The following WDR43 variants were observed in gnomAD, a reference collection of about 807,000 sequenced individuals.
WDR43 encodes WD repeat-containing protein 43.
A neutral mutation model predicts 91.4 loss-of-function variants in WDR43; 13 were observed. That is an observed-to-expected ratio of 0.14 (90% CI 0.09 to 0.23). The LOEUF is 0.23. Among genes scored for constraint, WDR43 ranks in the 10% least tolerant of loss-of-function variants. The probability of loss-of-function intolerance (pLI) is 1.00; values close to 1 mark genes in which losing one functional copy is unlikely to be tolerated. For missense variants in WDR43, 780 were observed against 809.4 expected (o/e 0.96, Z 0.44); for synonymous variants, 331 against 287.9 (o/e 1.15, Z -1.51).
In WDR43 at chr2:28,894,860, T is replaced by A. The variant is rs780324735; in HGVS notation, c.162T>A (p.Pro54=). The A allele has an allele frequency of 1.3e-5, 21 of 1,610,404 alleles. No homozygotes were observed. The East Asian group carries it at 4.5e-4, about 34-fold the overall frequency. Residue 54 remains proline, a synonymous_variant, in exon 1 of 18, where the codon CCT becomes CCA. Transcript: ENST00000407426. ...ANNRLHQEYV[P]SAHLSGTCTC... is the part of the protein sequence containing the mutation. ...ACCGGCTGCACCAGGAGTACGTGCC[T>A]TCCGCGCACCTCAGTGGTACCTGCA...
At chr2:28,901,166 CAT>C (rs547637939) in intron 1 of WDR43, among the ~76,000 whole-genome samples, 2 of 152,146 alleles carry the variant, frequency 1.3e-5, no homozygotes, top group Non-Finnish European at 2.9e-5. Flanking sequence ...ATGCTAAAAA[CAT>C]ATAGGCTGGT....
At position 28,918,008 on chromosome 2, in the gene WDR43, A is replaced by G. The variant is rs547038900; in HGVS notation, c.849+13A>G. 6.5e-6 allele frequency: 10 copies of G among 1,545,418 alleles called. No individual in the cohort carries two copies. In the East Asian group the frequency reaches 2.1e-4, roughly 33 times the overall value. Reference sequence around the variant, plus strand: ...AAACAAAGAAGAGGTAAATGGCTCGATTTTTGAGAATTTGTTTTTGGGTTT... The same window carrying G: ...AAACAAAGAAGAGGTAAATGGCTCGGTTTTTGAGAATTTGTTTTTGGGTTT... On this transcript the variant is annotated intron_variant, in intron 6 of 17. Transcript: ENST00000407426.
intron 6 of WDR43, among the ~76,000 whole-genome samples, chr2:28,921,152 G>A (rs1321048795): frequency 1.3e-5 from 2 of 149,276 alleles, no homozygotes; most frequent in East Asian, 4.0e-4. Flanking sequence ...TTTTTGAGAC[G>A]GAGTCTTGCT....
chr2:28,901,050 T>C (rs1055440346), intron 1 of WDR43, among the ~76,000 whole-genome samples: 2 of 152,228 alleles, frequency 1.3e-5, no homozygotes, highest in African/African-American at 4.8e-5. Context: ...GCTGTGTGCA[T>C]GCCCATGCGT....
chr2:28,934,271 G>A (rs1671299324), intron 11 of WDR43, among the ~76,000 whole-genome samples: 1 of 152,154 alleles, frequency 6.6e-6, no homozygotes, highest in Non-Finnish European at 1.5e-5. Flanking sequence ...CCTGGGAATC[G>A]GGGTGGAAGG....
At position 28,896,542 on chromosome 2, in the gene WDR43, C is replaced by G. The variant is rs76562844; in HGVS notation, c.225+1619C>G. On this transcript the variant is annotated intron_variant, in intron 1 of 17. Coordinates refer to ENST00000407426, the MANE Select transcript of WDR43 (RefSeq NM_015131.3). ...ACAGAAACTCTGGGAAACTAAGCAA[C>G]TTGAATAAAGTAAAAAATGGAACCA... Among the ~76,000 whole-genome samples, 83 of 152,272 alleles carry G rather than the reference C, an allele frequency of 5.5e-4. No individual in the cohort carries two copies. In the East Asian group the frequency reaches 0.016, roughly 29 times the overall value.
chr2:28,928,930 CT>C (rs765778186), intron 10 of WDR43, among the ~76,000 whole-genome samples: 5 of 152,176 alleles, frequency 3.3e-5, no homozygotes, highest in South Asian at 2.1e-4. Flanking sequence ...CTGCCTCAGC[CT>C]CCCAGAGTGC....
At chr2:28,926,265 C>G (rs1572595781) in intron 8 of WDR43, among the ~76,000 whole-genome samples, 1 of 152,118 alleles carries the variant, frequency 6.6e-6, no homozygotes, top group Non-Finnish European at 1.5e-5. Context: ...TTCAGAATTA[C>G]CATTTTTCTT....
chr2:28,913,579 C>T (rs907229986), intron 4 of WDR43: 3 of 465,736 alleles, frequency 6.4e-6, no homozygotes, highest in Admixed American at 2.2e-5. Context: ...AGCATTTAGT[C>T]CACTTACTGT....
intron 6 of WDR43, among the ~76,000 whole-genome samples, chr2:28,918,325 T>A (rs1466838082): frequency 1.9e-5 from 1 of 53,884 alleles, no homozygotes; most frequent in Non-Finnish European, 5.6e-5. Context: ...AACTAAGGTG[T>A]GTGTGTGTGT....
At chr2:28,926,152 T>C (rs1303320479) in intron 8 of WDR43, among the ~76,000 whole-genome samples, 2 of 152,194 alleles carry the variant, frequency 1.3e-5, no homozygotes, top group African/African-American at 4.8e-5. Context: ...TACGTTTTCT[T>C]TAAAACCTGT....
rs375485652 is a variant in WDR43 at position 28,938,020 on chromosome 2, G to A, written c.1620+26G>A. On this transcript the variant is annotated intron_variant, in intron 14 of 17. Coordinates refer to ENST00000407426, the MANE Select transcript of WDR43 (RefSeq NM_015131.3). ...GTGAGTCTTTTCAGCTTCTGTTGCC[G>A]AGTATGAATAGTTTGGCTTTGATAA... 78 of 1,611,404 alleles carry A rather than the reference G, an allele frequency of 4.8e-5. No homozygotes were observed. The African/African-American group carries it at 6.4e-4, about 13-fold the overall frequency.
At chr2:28,906,332 C>T in intron 2 of WDR43, 128 bp from the exon 3 acceptor site, 1 of 867,522 alleles carries the variant, frequency 1.2e-6, no homozygotes, top group Non-Finnish European at 1.7e-6. Context: ...CTGAAATATC[C>T]ACGTGTGGGC....
chr2:28,912,758 C>G (rs773618253), intron 4 of WDR43, 48 bp downstream of exon 4: 1 of 1,596,000 alleles, frequency 6.3e-7, no homozygotes, highest in Admixed American at 1.8e-5. Context: ...AGAGTAAACA[C>G]AGAGAAAGGC....
chr2:28,914,288 T>C, intron 5 of WDR43, 80 bp downstream of exon 5: 1 of 1,435,838 alleles, frequency 7.0e-7, no homozygotes, highest in Non-Finnish European at 9.3e-7. Context: ...ATTATGAATA[T>C]GGGACTTTAT....
intron 3 of WDR43, among the ~76,000 whole-genome samples, chr2:28,908,819 C>T (rs1670733161): frequency 6.6e-6 from 1 of 152,114 alleles, no homozygotes; most frequent in South Asian, 2.1e-4. Flanking sequence ...CTTCTTTTCC[C>T]CCTTCCAGTT....
intron 14 of WDR43, among the ~76,000 whole-genome samples, chr2:28,938,910 G>A (rs1671384512): frequency 6.6e-6 from 1 of 152,106 alleles, no homozygotes; most frequent in African/African-American, 2.4e-5. Flanking sequence ...CTGATGAGAG[G>A]CGTTTTGGGA....
chr2:28,933,712 A>G (rs1671289550), intron 11 of WDR43, among the ~76,000 whole-genome samples: 1 of 152,232 alleles, frequency 6.6e-6, no homozygotes, highest in South Asian at 2.1e-4. Flanking sequence ...TCAAATGGCC[A>G]GTAAGCACAT....
intron 2 of WDR43, among the ~76,000 whole-genome samples, chr2:28,905,956 C>T (rs929519707): frequency 1.3e-5 from 2 of 152,000 alleles, no homozygotes; most frequent in African/African-American, 2.4e-5. Context: ...ACCACGCCTG[C>T]CCTGTTTATC....
Sources: allele counts gnomAD v4.1 joint callset (sites outside exome capture counted in the v4.1 genomes callset), GRCh38; gene constraint gnomAD v4.1.1; transcripts MANE v1.5; gene names NCBI Gene and HGNC (gene_info 2026-07-23, HGNC 2026-07-21).